The following FOXO3 variants were observed in gnomAD, a reference collection of about 807,000 sequenced individuals.
FOXO3 encodes the protein forkhead box O3, also known as forkhead box protein O3.
Under a neutral mutation model 41.9 loss-of-function variants are expected in FOXO3, and 4 were observed. That is an observed-to-expected ratio of 0.10 (90% CI 0.05 to 0.22). FOXO3 has a LOEUF of 0.22. Among genes scored for constraint, FOXO3 ranks in the 10% least tolerant of loss-of-function variants. The pLI is 1.00. For missense variants in FOXO3, 534 were observed against 906.8 expected (o/e 0.59, Z 5.28); for synonymous variants, 318 against 389.3 (o/e 0.82, Z 2.16).
intron 1 of FOXO3, among the ~76,000 whole-genome samples, chr6:108,570,244 C>T (rs1184160525): frequency 2.6e-5 from 4 of 152,116 alleles, no homozygotes; most frequent in Non-Finnish European, 1.5e-5. Flanking sequence ...CATGATCTGC[C>T]TGCCTCGGCC....
intron 1 of FOXO3, among the ~76,000 whole-genome samples, chr6:108,621,063 TTGGA>T (rs1370178164): frequency 7.2e-5 from 11 of 152,182 alleles, no homozygotes; most frequent in African/African-American, 2.7e-4. Flanking sequence ...ATAATTTTGT[TTGGA>T]TGGAAAATCT....
At chr6:108,679,538 T>C (rs1770764979) in intron 2 of FOXO3, among the ~76,000 whole-genome samples, 2 of 152,096 alleles carry the variant, frequency 1.3e-5, no homozygotes, top group Admixed American at 6.5e-5. Flanking sequence ...ACACCCCTAA[T>C]ATGGCTTTCT....
At chr6:108,577,324 G>A (rs1776289629) in intron 1 of FOXO3, among the ~76,000 whole-genome samples, 1 of 152,148 alleles carries the variant, frequency 6.6e-6, no homozygotes, top group South Asian at 2.1e-4. Context: ...TTGAACCTGA[G>A]ACAGCCAACA....
At chr6:108,577,943 T>C (rs1192986318) in intron 1 of FOXO3, among the ~76,000 whole-genome samples, 2 of 152,222 alleles carry the variant, frequency 1.3e-5, no homozygotes, top group Non-Finnish European at 2.9e-5. Flanking sequence ...CACTCATTTT[T>C]CTAGTCTCTA....
intron 1 of FOXO3, among the ~76,000 whole-genome samples, chr6:108,600,462 G>A (rs576013010): frequency 2.2e-4 from 32 of 147,440 alleles, no homozygotes; most frequent in African/African-American, 7.3e-4. Context: ...CAGGAGAGTC[G>A]CTTGAACTGG....
chr6:108,632,047 T>A (rs1305690438), intron 1 of FOXO3, among the ~76,000 whole-genome samples: 1 of 152,192 alleles, frequency 6.6e-6, no homozygotes, highest in Non-Finnish European at 1.5e-5. Context: ...AAACTGGAAA[T>A]TAACTCTAGA....
chr6:108,641,803 A>G (rs947254885), intron 1 of FOXO3, among the ~76,000 whole-genome samples: 1 of 152,126 alleles, frequency 6.6e-6, no homozygotes. Flanking sequence ...AAATACAGAA[A>G]AAAAGTACAT....
intron 1 of FOXO3, among the ~76,000 whole-genome samples, chr6:108,599,964 G>A (rs1189835290): frequency 6.6e-6 from 1 of 152,180 alleles, no homozygotes; most frequent in Non-Finnish European, 1.5e-5. Flanking sequence ...ATGTGAGGAA[G>A]GTCCTCTATG....
rs1158073730 is a variant in FOXO3, at chr6:108,586,723, G to A, written c.621+24894G>A. 2.0e-5 allele frequency among the ~76,000 whole-genome samples: 3 copies of A among 152,128 alleles called. No homozygotes were observed. The East Asian group carries it at 5.8e-4, about 30-fold the overall frequency. On this transcript the variant is annotated intron_variant, in intron 1 of 2. Coordinates refer to ENST00000406360, the MANE Select transcript of FOXO3 (RefSeq NM_001455.4). ...GTCAATACTGAGAAGTGGCAGGGAC[G>A]TAGCAGAAGGGGATGGTTGAGGGGA...
At chr6:108,670,842 C>A (rs1403105509) in intron 2 of FOXO3, among the ~76,000 whole-genome samples, 2 of 152,156 alleles carry the variant, frequency 1.3e-5, no homozygotes, top group African/African-American at 4.8e-5. Context: ...GTTTCTCAGC[C>A]ATATCCATGC....
At chr6:108,614,974 T>C (rs1777453933) in intron 1 of FOXO3, among the ~76,000 whole-genome samples, 1 of 152,122 alleles carries the variant, frequency 6.6e-6, no homozygotes, top group African/African-American at 2.4e-5. Context: ...TTACACATCT[T>C]TAACTGATGA....
At chr6:108,595,760 GT>G (rs1554212819) in intron 1 of FOXO3, among the ~76,000 whole-genome samples, 1 of 152,130 alleles carries the variant, frequency 6.6e-6, no homozygotes, top group African/African-American at 2.4e-5. Context: ...GTCTAAGGGA[GT>G]TTTTTTGCAC....
chr6:108,669,293 A>T (rs1037564058), intron 2 of FOXO3, among the ~76,000 whole-genome samples: 4 of 152,170 alleles, frequency 2.6e-5, no homozygotes, highest in Non-Finnish European at 5.9e-5. Context: ...ACTTCCCAAA[A>T]GGAGTAAATC....
intron 1 of FOXO3, among the ~76,000 whole-genome samples, chr6:108,632,752 G>A (rs1778009941): frequency 6.6e-6 from 1 of 152,270 alleles, no homozygotes; most frequent in Non-Finnish European, 1.5e-5. Flanking sequence ...GAGAAGCCAA[G>A]TACAGTGTAG....
chr6:108,580,164 T>C (rs902801670), intron 1 of FOXO3, among the ~76,000 whole-genome samples: 3 of 150,598 alleles, frequency 2.0e-5, no homozygotes, highest in African/African-American at 7.3e-5. Flanking sequence ...TTGAGCTTTA[T>C]GAGTATTAGC....
At chr6:108,669,588 C>G (rs1779156175) in intron 2 of FOXO3, among the ~76,000 whole-genome samples, 1 of 152,008 alleles carries the variant, frequency 6.6e-6, no homozygotes, top group Non-Finnish European at 1.5e-5. Context: ...TTATTCTTAC[C>G]TTTTAAAAAA....
chr6:108,621,967 G>A (rs1256351548), intron 1 of FOXO3, among the ~76,000 whole-genome samples: 2 of 152,058 alleles, frequency 1.3e-5, no homozygotes, highest in African/African-American at 4.8e-5. Flanking sequence ...ACAGAAGCAG[G>A]GGCAGCCGGG....
intron 1 of FOXO3, among the ~76,000 whole-genome samples, chr6:108,598,995 T>C (rs574440901): frequency 3.3e-5 from 5 of 152,326 alleles, no homozygotes; most frequent in East Asian, 1.9e-4. Flanking sequence ...ATGCAACTAA[T>C]AAAAAGATTG....
At chr6:108,640,876 T>C (rs1778239110) in intron 1 of FOXO3, among the ~76,000 whole-genome samples, 1 of 152,180 alleles carries the variant, frequency 6.6e-6, no homozygotes, top group African/African-American at 2.4e-5. Context: ...ATTCTAGGAA[T>C]TGAGCTCCCA....
Sources: gnomAD v4.1 joint callset for allele counts (sites outside exome capture counted in the v4.1 genomes callset) on GRCh38, gnomAD v4.1.1 for gene constraint, MANE v1.5 for transcripts, NCBI Gene and HGNC (gene_info 2026-07-23, HGNC 2026-07-21) for gene names.